Variants in CASS4 observed in about 807,000 individuals in gnomAD.
The protein encoded by CASS4 is Cas scaffold protein family member 4, also known as cas scaffolding protein family member 4.
In CASS4, 22 loss-of-function variants were observed where a neutral mutation model predicts 54.2. The observed-to-expected ratio is 0.41, with a 90% CI of 0.29 to 0.58. CASS4 has a LOEUF of 0.58. Among genes scored for constraint, CASS4 ranks in the 20% least tolerant of loss-of-function variants. The pLI is 0.36. For synonymous variants in CASS4, 409 were observed against 391.5 expected, an observed-to-expected ratio of 1.04 and a Z score of -0.53; for missense variants, 854 against 986.7, an observed-to-expected ratio of 0.87 and a Z score of 1.80.
chr20:56,453,371 G>C lies in CASS4; in HGVS notation c.1953+242G>C. 3 of 356,522 alleles carry C rather than the reference G, an allele frequency of 8.4e-6. 1 individual carries two copies. Among genetic ancestry groups the C allele is most frequent in the Non-Finnish European group, 1.5e-5 (3 of 200,060 alleles). The allele number at this position is 356,522 out of a possible 1,614,324, so 22.1% of individuals were successfully genotyped here. The stretch of plus-strand genomic sequence containing the variant: ...TTTGGATTTCTTCCGAAAACTTTTG[G>C]CGTTCAAGTTTACCATATTAGAATT... On this transcript the variant is annotated intron_variant, in intron 5 of 5. Coordinates refer to ENST00000679887, the MANE Select transcript of CASS4 (RefSeq NM_020356.4).
At position 56,412,642 on chromosome 20, in the gene CASS4, T is replaced by A; in HGVS notation, c.36+148T>A. On this transcript the variant is annotated intron_variant, in intron 1 of 5. Transcript: ENST00000679887. This position sits in a 1 kb window ranked among gnomAD's most constrained non-coding sequence, Gnocchi z 4.2. ...GAGATGGGAAAGTTTAACATAAGTT[T>A]AAGTGTGGGAAATAGATGTGTTGTA... 1 of 808,064 alleles carries A rather than the reference T, an allele frequency of 1.2e-6. No individual in the cohort carries two copies. The highest frequency in any genetic ancestry group is 2.0e-6 in the Non-Finnish European group (1 of 500,954). 50.1% of individuals were successfully genotyped at this position (808,064 alleles called of 1,614,324 possible). A position where few individuals can be genotyped will look rare whatever the true frequency, so the allele number is the denominator to read the frequency against.
chr20:56,427,385 T>C (rs922612661), intron 1 of CASS4, among the ~76,000 whole-genome samples: 3 of 151,896 alleles, frequency 2.0e-5, no homozygotes, highest in Non-Finnish European at 4.4e-5. Flanking sequence ...TCTTGGAAAC[T>C]TTTTTTTAAC....
chr20:56,418,178 A>C (rs368083547), intron 1 of CASS4, among the ~76,000 whole-genome samples: 2 of 152,142 alleles, frequency 1.3e-5, no homozygotes, highest in East Asian at 3.9e-4. Context: ...AGGAGAAAAC[A>C]GGGGGATCTG....
At position 56,437,827 on chromosome 20, in the gene CASS4, A is replaced by G. The variant is rs1980267974; in HGVS notation, c.459+241A>G. ...ATTCCCCAGCTCTCCAAGGCTGGGC[A>G]CACTCTGTGGGAAATGGAATGCTTA... On this transcript the variant is annotated intron_variant, in intron 2 of 5. Transcript: ENST00000679887. The surrounding 1 kb of genome is among the most constrained non-coding windows in gnomAD (Gnocchi z 4.7). 6.6e-6 allele frequency among the ~76,000 whole-genome samples: 1 copy of G among 152,122 alleles called. No homozygotes were observed. The highest frequency in any genetic ancestry group is 1.5e-5 in the Non-Finnish European group (1 of 68,008).
intron 5 of CASS4, among the ~76,000 whole-genome samples, chr20:56,454,817 C>T (rs1156250805): frequency 1.3e-5 from 2 of 152,300 alleles, no homozygotes; most frequent in Admixed American, 1.3e-4. Flanking sequence ...CTACGGATAG[C>T]TCAACATTAC....
chr20:56,433,486 G>T (rs556122835), intron 1 of CASS4, among the ~76,000 whole-genome samples: 4 of 152,298 alleles, frequency 2.6e-5, no homozygotes, highest in African/African-American at 9.6e-5. Flanking sequence ...TGTCCAAAGG[G>T]TAATAGGGAG....
intron 1 of CASS4, among the ~76,000 whole-genome samples, chr20:56,425,703 C>A (rs981838617): frequency 3.4e-4 from 52 of 152,288 alleles, no homozygotes; most frequent in African/African-American, 1.2e-3. Flanking sequence ...AGAACAGAAT[C>A]CTTTGTAAAT....
intron 2 of CASS4, among the ~76,000 whole-genome samples, chr20:56,440,291 G>C (rs1980394969): frequency 6.6e-6 from 1 of 152,208 alleles, no homozygotes; most frequent in Non-Finnish European, 1.5e-5. Flanking sequence ...ACTCGGAGCA[G>C]AGCTTTGCTG....
intron 1 of CASS4, among the ~76,000 whole-genome samples, chr20:56,425,786 CAA>C (rs1979609811): frequency 6.6e-6 from 1 of 152,146 alleles, no homozygotes; most frequent in Non-Finnish European, 1.5e-5. Context: ...AACATGGACT[CAA>C]AGTGTTTTTA....
At chr20:56,449,315 T>C (rs1600771221) in intron 3 of CASS4, among the ~76,000 whole-genome samples, 1 of 152,156 alleles carries the variant, frequency 6.6e-6, no homozygotes, top group Admixed American at 6.6e-5. Context: ...TGTAGGAACA[T>C]GGATGAAGCT....
chr20:56,435,857 T>C (rs1980127614), intron 1 of CASS4, among the ~76,000 whole-genome samples: 1 of 152,192 alleles, frequency 6.6e-6, no homozygotes, highest in Admixed American at 6.5e-5. Flanking sequence ...TTCAAGCGAC[T>C]TTCCTGACTC....
At chr20:56,436,024 T>C (rs1192799866) in intron 1 of CASS4, among the ~76,000 whole-genome samples, 1 of 152,124 alleles carries the variant, frequency 6.6e-6, no homozygotes, top group Non-Finnish European at 1.5e-5. Context: ...AGTGCTGGGA[T>C]TACAGGCGTG....
At position 56,418,699 on chromosome 20, in the gene CASS4, G is replaced by A. The variant is rs73285288; in HGVS notation, c.36+6205G>A. Reference sequence around the variant, plus strand: ...GATGTTTGAGACCGCTGGTCGCCGTGTCGGGTGGGGAGTGGTTGTGAGCAG... The same window carrying A: ...GATGTTTGAGACCGCTGGTCGCCGTATCGGGTGGGGAGTGGTTGTGAGCAG... On this transcript the variant is annotated intron_variant, in intron 1 of 5. Coordinates refer to ENST00000679887, the MANE Select transcript of CASS4 (RefSeq NM_020356.4). Among the ~76,000 whole-genome samples the A allele has an allele frequency of 8.5e-3, 1,287 of 152,190 alleles. 25 individuals carry two copies. The highest frequency in any genetic ancestry group is 0.03 in the African/African-American group (1,229 of 41,500).
In CASS4 at chr20:56,450,687, T is replaced by C; in HGVS notation, c.642+8T>C. 2 of 1,613,574 alleles carry C rather than the reference T, an allele frequency of 1.2e-6. No individual in the cohort carries two copies. The highest frequency in any genetic ancestry group is 1.7e-6 in the Non-Finnish European group (2 of 1,179,542). ...CCAGACAGCCAAGCAAGTGTAAGTA[T>C]GAAGAGGTGCTAAGGTGCGGTGTTA... is the stretch of plus-strand genomic sequence containing the variant. On this transcript the variant is annotated splice_region_variant and intron_variant, in intron 4 of 5. Transcript: ENST00000679887.
At chr20:56,434,614 T>G (rs928893722) in intron 1 of CASS4, among the ~76,000 whole-genome samples, 2 of 151,842 alleles carry the variant, frequency 1.3e-5, no homozygotes, top group African/African-American at 2.4e-5. Flanking sequence ...TTTTTTTTTT[T>G]TTTTGTATTT....
At chr20:56,436,283 CAGAG>C (rs917229759) in intron 1 of CASS4, among the ~76,000 whole-genome samples, 2 of 150,184 alleles carry the variant, frequency 1.3e-5, no homozygotes, top group African/African-American at 4.9e-5. Context: ...CTGTACATGA[CAGAG>C]AGAGAGATAC....
chr20:56,420,588 T>C, intron 1 of CASS4, among the ~76,000 whole-genome samples: 1 of 139,810 alleles, frequency 7.2e-6, no homozygotes, highest in Admixed American at 7.7e-5. Context: ...GATGAGGGGC[T>C]CTCCCTATAT....
At chr20:56,434,183 G>A (rs751999781) in intron 1 of CASS4, among the ~76,000 whole-genome samples, 6 of 152,078 alleles carry the variant, frequency 3.9e-5, no homozygotes, top group African/African-American at 1.4e-4. Flanking sequence ...GACAGCATCC[G>A]GAGCCCTGAT....
chr20:56,453,449 A>ACC, intron 5 of CASS4: 1 of 205,848 alleles, frequency 4.9e-6, no homozygotes, highest in Non-Finnish European at 9.8e-6. Context: ...GATTTTTAAA[A>ACC]CCTCACCACC....
Sources: gnomAD v4.1 joint callset for allele counts (sites outside exome capture counted in the v4.1 genomes callset) on GRCh38, gnomAD v4.1.1 for gene constraint, Gnocchi (gnomAD v3.1) non-coding constraint, MANE v1.5 for transcripts, NCBI Gene and HGNC (gene_info 2026-07-23, HGNC 2026-07-21) for gene names.